ARID1A: variants seen among roughly 807,000 people sequenced by gnomAD.
ARID1A encodes the protein AT-rich interaction domain 1A, also known as AT-rich interactive domain-containing protein 1A.
In ARID1A, 20 loss-of-function variants were observed where a neutral mutation model predicts 212.6. That is an observed-to-expected ratio of 0.09 (90% CI 0.07 to 0.14). The LOEUF is 0.14. Among genes scored for constraint, ARID1A ranks in the 10% least tolerant of loss-of-function variants. The pLI is 1.00. For synonymous variants in ARID1A, 1,376 were observed against 1,222.1 expected (o/e 1.13, Z -2.63); for missense variants, 2,587 against 3,059.0 (o/e 0.85, Z 3.64).
chr1:26,745,726 C>T lies in ARID1A; in HGVS notation c.1920+12934C>T, dbSNP rs967761393. Among the ~76,000 whole-genome samples the T allele has an allele frequency of 2.0e-5, 3 of 152,234 alleles. No homozygotes were observed. The South Asian group carries it at 6.2e-4, about 32-fold the overall frequency. On this transcript the variant is annotated intron_variant, in intron 4 of 19. Coordinates refer to ENST00000324856, the MANE Select transcript of ARID1A (RefSeq NM_006015.6). ...TCTACTGTTGCTTTTACTGTTAGGA[C>T]CAACTCCTGTACAAGACCAGCAAAA...
At chr1:26,721,653 T>C (rs2080566232) in intron 1 of ARID1A, among the ~76,000 whole-genome samples, 1 of 152,242 alleles carries the variant, frequency 6.6e-6, no homozygotes, top group South Asian at 2.1e-4. Context: ...AAGAGCATTT[T>C]CTCTGGAAAT....
At chr1:26,714,977 C>T (rs546014103) in intron 1 of ARID1A, among the ~76,000 whole-genome samples, 2 of 152,288 alleles carry the variant, frequency 1.3e-5, no homozygotes, top group East Asian at 3.9e-4. Flanking sequence ...AACTTCAGTT[C>T]CTACAGCTCA....
chr1:26,703,968 G>C (rs1239627724), intron 1 of ARID1A, among the ~76,000 whole-genome samples: 1 of 152,202 alleles, frequency 6.6e-6, no homozygotes, highest in Non-Finnish European at 1.5e-5. Context: ...CAATCAGTTT[G>C]GCAGGGTTAA....
chr1:26,734,511 C>A (rs991803824), intron 4 of ARID1A, among the ~76,000 whole-genome samples: 1 of 152,162 alleles, frequency 6.6e-6, no homozygotes, highest in Non-Finnish European at 1.5e-5. Context: ...AAGGCTATCA[C>A]AAGGAACATT....
intron 1 of ARID1A, among the ~76,000 whole-genome samples, chr1:26,712,342 C>G (rs979723572): frequency 2.0e-5 from 3 of 152,128 alleles, no homozygotes; most frequent in Admixed American, 2.0e-4. Flanking sequence ...CTGAGTTTTG[C>G]TGTGAATTCC....
chr1:26,735,627 C>G (rs1186412036), intron 4 of ARID1A, among the ~76,000 whole-genome samples: 2 of 152,152 alleles, frequency 1.3e-5, no homozygotes, highest in East Asian at 3.9e-4. Flanking sequence ...ACATCAGAAA[C>G]ACAGATTGCT....
At chr1:26,756,638 C>T (rs1352003891) in intron 4 of ARID1A, among the ~76,000 whole-genome samples, 3 of 150,904 alleles carry the variant, frequency 2.0e-5, no homozygotes, top group African/African-American at 7.3e-5. Context: ...ACAGCGGTTT[C>T]TCTATTGAGG....
At chr1:26,719,438 C>T (rs542311988) in intron 1 of ARID1A, among the ~76,000 whole-genome samples, 3 of 152,222 alleles carry the variant, frequency 2.0e-5, no homozygotes, top group East Asian at 3.9e-4. Flanking sequence ...CTAAGGAAAA[C>T]GAATGTACAT....
intron 10 of ARID1A, among the ~76,000 whole-genome samples, chr1:26,766,953 C>G (rs1212489080): frequency 1.3e-5 from 2 of 152,134 alleles, no homozygotes; most frequent in East Asian, 3.9e-4. Context: ...CTGAACCTTA[C>G]TCATAGCAGC....
At chr1:26,715,134 G>A (rs921050997) in intron 1 of ARID1A, among the ~76,000 whole-genome samples, 10 of 152,206 alleles carry the variant, frequency 6.6e-5, no homozygotes, top group African/African-American at 2.2e-4. Flanking sequence ...GAAAGAAAAC[G>A]AGGCTTTGAA....
chr1:26,761,574 C>A, intron 6 of ARID1A, 101 bp downstream of exon 6: 7 of 1,106,920 alleles, frequency 6.3e-6, no homozygotes, highest in Non-Finnish European at 9.4e-6. Flanking sequence ...AAGCTTAGGA[C>A]AATCCCTGCA....
At chr1:26,703,325 A>C (rs759885461) in intron 1 of ARID1A, among the ~76,000 whole-genome samples, 45 of 152,340 alleles carry the variant, frequency 3.0e-4, no homozygotes, top group Non-Finnish European at 5.3e-4. Context: ...GAAGAAGAAG[A>C]ATCTATGAAT....
intron 1 of ARID1A, among the ~76,000 whole-genome samples, chr1:26,707,814 G>A (rs1435282409): frequency 6.6e-6 from 1 of 152,158 alleles, no homozygotes; most frequent in East Asian, 1.9e-4. Flanking sequence ...AGTAAGATAA[G>A]AAATTTGCCC....
chr1:26,723,185 A>C (rs2080581592), intron 1 of ARID1A, among the ~76,000 whole-genome samples: 2 of 152,176 alleles, frequency 1.3e-5, no homozygotes, highest in South Asian at 4.1e-4. Flanking sequence ...ACCAGGGTAC[A>C]TAGGGTGATT....
intron 1 of ARID1A, among the ~76,000 whole-genome samples, chr1:26,719,117 C>T (rs796919417): frequency 7.2e-5 from 11 of 152,318 alleles, no homozygotes; most frequent in African/African-American, 2.6e-4. Flanking sequence ...TTCACTTTCT[C>T]TTCTACATTC....
At position 26,780,000 on chromosome 1, in the gene ARID1A, G is replaced by A. The variant is rs772801320; in HGVS notation, c.6102G>A (p.Glu2034=). The A allele has an allele frequency of 3.1e-6, 5 of 1,614,076 alleles. No individual in the cohort carries two copies. Among genetic ancestry groups the A allele is most frequent in the Admixed American group, 1.7e-5 (1 of 59,996 alleles). ...AGGCACCACTAACTTATGAAAAGGA[G>A]GAGGAACAGGACCAAGGGGTGAGCT... ...RKQAPLTYEK[E]EEQDQGVSCN... The change falls in exon 20 of 20, where the codon GAG becomes GAA. Residue 2034 remains glutamate, a synonymous_variant. Coordinates refer to ENST00000324856, the MANE Select transcript of ARID1A (RefSeq NM_006015.6).
chr1:26,758,144 T>C (rs2080958863), intron 4 of ARID1A, among the ~76,000 whole-genome samples: 1 of 152,122 alleles, frequency 6.6e-6, no homozygotes, highest in African/African-American at 2.4e-5. Context: ...AGCATTGAGC[T>C]GTGGAATTTG....
chr1:26,774,144 G>A lies in ARID1A; in HGVS notation c.4102-185G>A, dbSNP rs1250582459. On this transcript the variant is annotated intron_variant, in intron 17 of 19. Coordinates refer to ENST00000324856, the MANE Select transcript of ARID1A (RefSeq NM_006015.6). This position sits in a 1 kb window ranked among gnomAD's most constrained non-coding sequence, Gnocchi z 5.6. The stretch of plus-strand genomic sequence containing the variant: ...TTGTATATTTTTCTACTTAAGCAAG[G>A]GAAGGGAAGAAAGAGTGGTGGTTGC... The A allele has an allele frequency of 1.6e-6, 2 of 1,238,702 alleles. No individual in the cohort carries two copies. The highest frequency in any genetic ancestry group is 1.5e-5 in the African/African-American group (1 of 65,380). 76.7% of individuals were successfully genotyped at this position (1,238,702 alleles called of 1,614,324 possible).
chr1:26,697,560 G>T lies in ARID1A; in HGVS notation c.1137+20G>T. Reference sequence around the variant, plus strand: ...CCTCAGGTACACAGCTGAGTGGGGAGGGGGCTGGGGCGAGCGTGGTCCTGG... The same window carrying T: ...CCTCAGGTACACAGCTGAGTGGGGATGGGGCTGGGGCGAGCGTGGTCCTGG... On this transcript the variant is annotated intron_variant, in intron 1 of 19. Coordinates refer to ENST00000324856, the MANE Select transcript of ARID1A (RefSeq NM_006015.6). The T allele has an allele frequency of 7.7e-7, 1 of 1,306,390 alleles. No individual in the cohort carries two copies. Among genetic ancestry groups the T allele is most frequent in the Non-Finnish European group, 9.7e-7 (1 of 1,031,870 alleles). 80.9% of individuals were successfully genotyped at this position (1,306,390 alleles called of 1,614,324 possible).
Sources: allele counts gnomAD v4.1 joint callset (sites outside exome capture counted in the v4.1 genomes callset), GRCh38; gene constraint gnomAD v4.1.1; non-coding constraint Gnocchi (gnomAD v3.1); transcripts MANE v1.5; gene names NCBI Gene and HGNC (gene_info 2026-07-23, HGNC 2026-07-21).